The following MAD1L1 variants were observed in gnomAD, a reference collection of about 807,000 sequenced individuals.
MAD1L1 encodes mitotic arrest deficient 1 like 1.
MAD1L1 carries 95 observed loss-of-function variants against 96.9 expected under a neutral mutation model. The ratio of observed to expected loss-of-function variants is 0.98; its 90% CI spans 0.83 to 1.16. MAD1L1 has a LOEUF of 1.16. Among genes scored for constraint, MAD1L1 ranks in the 50% most tolerant of loss-of-function variants. The pLI is 0.00. For missense variants in MAD1L1, 1,007 were observed against 954.4 expected (o/e 1.06, Z -0.73); for synonymous variants, 473 against 396.6 (o/e 1.19, Z -2.29).
At chr7:2,092,561 C>T (rs910795691) in intron 11 of MAD1L1, among the ~76,000 whole-genome samples, 1 of 152,068 alleles carries the variant, frequency 6.6e-6, no homozygotes, top group African/African-American at 2.4e-5. Context: ...CCCGCCCGAG[C>T]ATCCTCCCCT....
chr7:1,950,852 C>A (rs954760255), intron 16 of MAD1L1, among the ~76,000 whole-genome samples: 1 of 152,248 alleles, frequency 6.6e-6, no homozygotes, highest in Non-Finnish European at 1.5e-5. Flanking sequence ...CACCCGTGCT[C>A]CTCGTTCAGC....
At chr7:2,183,650 G>A (rs1791310758) in intron 10 of MAD1L1, among the ~76,000 whole-genome samples, 1 of 151,866 alleles carries the variant, frequency 6.6e-6, no homozygotes, top group Non-Finnish European at 1.5e-5. Context: ...ACTATCACAA[G>A]GACAAAAAAC....
intron 10 of MAD1L1, among the ~76,000 whole-genome samples, chr7:2,159,276 C>T (rs554371708): frequency 6.6e-6 from 1 of 152,372 alleles, no homozygotes; most frequent in South Asian, 2.1e-4. Flanking sequence ...GAGGCATCTG[C>T]TTCTCCACGT....
chr7:1,989,866 C>T (rs1364765744), intron 14 of MAD1L1, among the ~76,000 whole-genome samples: 1 of 152,248 alleles, frequency 6.6e-6, no homozygotes, highest in Non-Finnish European at 1.5e-5. Context: ...CAGATCCACT[C>T]ATAGCCCCAA....
intron 18 of MAD1L1, among the ~76,000 whole-genome samples, chr7:1,842,249 G>A (rs1418884010): frequency 1.3e-5 from 2 of 152,176 alleles, no homozygotes; most frequent in Non-Finnish European, 2.9e-5. Flanking sequence ...CAGAGGAAGC[G>A]GCGACAGATT....
chr7:1,898,324 T>G lies in MAD1L1; in HGVS notation c.1874A>C (p.Lys625Thr), dbSNP rs1021362089. 3 of 1,614,022 alleles carry G rather than the reference T, an allele frequency of 1.9e-6. No individual in the cohort carries two copies. Among genetic ancestry groups the G allele is most frequent in the Non-Finnish European group, 2.5e-6 (3 of 1,179,986 alleles). Residue 625 changes from lysine to threonine, a missense_variant, in exon 18 of 19, where the codon AAG (lysine) becomes ACG (threonine). By Grantham distance (78) the Lys-to-Thr change is moderately conservative. Transcript: ENST00000265854. ...NQRLKEVFQT[K>T]IQEFRKACYT... ...GCAGGCCTTGCGGAACTCCTGGATC[T>G]TGGTCTGGAAAACCTCCTTGAGCCG...
In MAD1L1 at chr7:2,206,368, T is replaced by C. The variant is rs111724544; in HGVS notation, c.986+6844A>G. ...TCTAATTTATCAATTTTTTCATTTA[T>C]GGTTCATGTTCGTTGTATTGTAAGA... On this transcript the variant is annotated intron_variant, in intron 10 of 18. Transcript: ENST00000265854. 2.1e-3 allele frequency among the ~76,000 whole-genome samples: 319 copies of C among 152,338 alleles called. 1 individual carries two copies. Among genetic ancestry groups the C allele is most frequent in the African/African-American group, 6.6e-3 (274 of 41,578 alleles).
At chr7:1,985,258 G>C (rs989188434) in intron 14 of MAD1L1, among the ~76,000 whole-genome samples, 7 of 152,222 alleles carry the variant, frequency 4.6e-5, no homozygotes, top group Admixed American at 6.5e-5. Context: ...TGGAGGAGGC[G>C]ACCGTTCCTC....
chr7:2,160,484 C>T (rs1401452156), intron 10 of MAD1L1, among the ~76,000 whole-genome samples: 2 of 151,662 alleles, frequency 1.3e-5, no homozygotes, highest in Non-Finnish European at 2.9e-5. Context: ...AGGCGCCCAC[C>T]ACCATGCCCA....
chr7:2,121,033 C>G (rs540440342), intron 11 of MAD1L1, among the ~76,000 whole-genome samples: 3 of 152,158 alleles, frequency 2.0e-5, no homozygotes, highest in Non-Finnish European at 4.4e-5. Context: ...CAAGTGGAGT[C>G]GCACGGTGAC....
At chr7:2,074,046 C>G (rs776304721) in intron 11 of MAD1L1, among the ~76,000 whole-genome samples, 6 of 152,196 alleles carry the variant, frequency 3.9e-5, no homozygotes, top group Non-Finnish European at 8.8e-5. Flanking sequence ...GAATGCTCGC[C>G]AAGAACCATG....
At chr7:1,987,778 C>T (rs1392802431) in intron 14 of MAD1L1, among the ~76,000 whole-genome samples, 4 of 152,202 alleles carry the variant, frequency 2.6e-5, no homozygotes, top group African/African-American at 4.8e-5. Context: ...CTGTGGGACT[C>T]GCTGGCAGGG....
intron 10 of MAD1L1, among the ~76,000 whole-genome samples, chr7:2,183,806 G>A (rs1483042880): frequency 6.6e-6 from 1 of 151,986 alleles, no homozygotes; most frequent in African/African-American, 2.4e-5. Context: ...AATGCTAAAT[G>A]ACGAGTTAAT....
At chr7:1,823,111 C>T (rs1046460554) in intron 18 of MAD1L1, among the ~76,000 whole-genome samples, 3 of 151,994 alleles carry the variant, frequency 2.0e-5, no homozygotes, top group Non-Finnish European at 2.9e-5. Flanking sequence ...CCCTATTAAT[C>T]GATACGGAAA....
chr7:2,134,116 T>C (rs1788644604), intron 11 of MAD1L1, among the ~76,000 whole-genome samples: 1 of 152,226 alleles, frequency 6.6e-6, no homozygotes, highest in Non-Finnish European at 1.5e-5. Context: ...GGAGAACTGA[T>C]AATATATTGA....
intron 11 of MAD1L1, among the ~76,000 whole-genome samples, chr7:2,145,245 C>G (rs898117465): frequency 1.3e-5 from 2 of 152,256 alleles, no homozygotes; most frequent in African/African-American, 4.8e-5. Flanking sequence ...CAGACACTCT[C>G]TCTGCTGTAA....
intron 11 of MAD1L1, among the ~76,000 whole-genome samples, chr7:2,093,437 G>C (rs1449506028): frequency 6.6e-6 from 1 of 152,036 alleles, no homozygotes; most frequent in Admixed American, 6.6e-5. Flanking sequence ...AAAATGCCAG[G>C]AAGGATCCTG....
At chr7:1,915,797 G>A (rs879895279) in intron 17 of MAD1L1, among the ~76,000 whole-genome samples, 5 of 152,198 alleles carry the variant, frequency 3.3e-5, no homozygotes, top group East Asian at 1.9e-4. Context: ...CTCACGCCAC[G>A]AACAGAACCA....
chr7:2,001,213 C>T (rs1781776429), intron 14 of MAD1L1, among the ~76,000 whole-genome samples: 1 of 152,238 alleles, frequency 6.6e-6, no homozygotes. Context: ...GGGGTCCGTA[C>T]AACGCCGACA....
Sources: gnomAD v4.1 joint callset for allele counts (sites outside exome capture counted in the v4.1 genomes callset) on GRCh38, gnomAD v4.1.1 for gene constraint, MANE v1.5 for transcripts, NCBI Gene and HGNC (gene_info 2026-07-23, HGNC 2026-07-21) for gene names.